Variants in TMEM232 observed in about 807,000 individuals in gnomAD.
TMEM232 encodes transmembrane protein 232.
In TMEM232, 80 loss-of-function variants were observed where a neutral mutation model predicts 78.8. The ratio of observed to expected loss-of-function variants is 1.01; its 90% CI spans 0.85 to 1.22. The LOEUF is 1.22. TMEM232 is among the 50% of genes most tolerant of loss of function. The pLI is 0.00. For synonymous variants in TMEM232, 297 were observed against 254.3 expected (o/e 1.17, Z -1.60); for missense variants, 881 against 742.2 (o/e 1.19, Z -2.17).
intron 12 of TMEM232, among the ~76,000 whole-genome samples, chr5:110,469,062 A>G (rs1381867278): frequency 2.0e-5 from 3 of 152,184 alleles, no homozygotes; most frequent in Admixed American, 1.3e-4. Context: ...AACATTTTGG[A>G]ACCTAAAGTT....
At chr5:110,694,621 A>C (rs893870565) in intron 1 of TMEM232, among the ~76,000 whole-genome samples, 4 of 152,100 alleles carry the variant, frequency 2.6e-5, no homozygotes, top group African/African-American at 7.2e-5. Context: ...TCTACCAAGC[A>C]AATGGAAAAC....
upstream of TMEM232, among the ~76,000 whole-genome samples, chr5:110,729,328 C>A (rs1047516592): frequency 3.3e-5 from 5 of 152,198 alleles, no homozygotes; most frequent in African/African-American, 1.2e-4. Flanking sequence ...CTTGCCCACT[C>A]ACTCCTCAAC....
upstream of TMEM232, among the ~76,000 whole-genome samples, chr5:110,730,805 G>T (rs546779143): frequency 6.6e-6 from 1 of 152,106 alleles, no homozygotes; most frequent in Non-Finnish European, 1.5e-5. Context: ...TAAGATTTGG[G>T]TGGAGACACA....
chr5:110,612,374 G>A (rs1782417992), intron 8 of TMEM232, among the ~76,000 whole-genome samples: 1 of 152,050 alleles, frequency 6.6e-6, no homozygotes, highest in Admixed American at 6.6e-5. Flanking sequence ...GGATCAATAA[G>A]AAATCCAAGA....
chr5:110,518,266 A>G (rs1768986700), intron 12 of TMEM232, among the ~76,000 whole-genome samples: 1 of 149,622 alleles, frequency 6.7e-6, no homozygotes, highest in South Asian at 2.1e-4. Context: ...GTTAACATTG[A>G]TTTTTTTTCT....
At chr5:110,646,509 C>G (rs548791791) in intron 2 of TMEM232, among the ~76,000 whole-genome samples, 1 of 151,666 alleles carries the variant, frequency 6.6e-6, no homozygotes, top group Admixed American at 6.6e-5. Context: ...TGCAGAAGAA[C>G]GTAATTAGAC....
At chr5:110,600,011 C>G (rs1040071718) in intron 10 of TMEM232, among the ~76,000 whole-genome samples, 1 of 152,156 alleles carries the variant, frequency 6.6e-6, no homozygotes, top group Admixed American at 6.5e-5. Context: ...AAGAAACTCA[C>G]TGAAAACCAC....
At chr5:110,501,779 A>G (rs1211333498) in intron 12 of TMEM232, among the ~76,000 whole-genome samples, 1 of 152,150 alleles carries the variant, frequency 6.6e-6, no homozygotes, top group Non-Finnish European at 1.5e-5. Flanking sequence ...CAAATACCTC[A>G]AAAATCACTG....
intron 2 of TMEM232, among the ~76,000 whole-genome samples, chr5:110,734,307 T>C (rs1179089779): frequency 2.0e-5 from 3 of 152,192 alleles, no homozygotes; most frequent in African/African-American, 7.2e-5. Flanking sequence ...GAAGGGGTAG[T>C]GGTTATTCAG....
chr5:110,687,973 A>C (rs755872334), intron 1 of TMEM232, among the ~76,000 whole-genome samples: 1 of 152,154 alleles, frequency 6.6e-6, no homozygotes, highest in Non-Finnish European at 1.5e-5. Context: ...GGTTTGTAAA[A>C]GAGAAGTAGA....
intron 10 of TMEM232, among the ~76,000 whole-genome samples, chr5:110,570,296 C>G (rs1437913901): frequency 1.3e-5 from 2 of 152,014 alleles, no homozygotes; most frequent in African/African-American, 4.8e-5. Context: ...TATTTTTGCA[C>G]TGAACATTTG....
intron 11 of TMEM232, among the ~76,000 whole-genome samples, chr5:110,552,359 GATAAA>G (rs1157848165): frequency 6.6e-6 from 1 of 151,888 alleles, no homozygotes; most frequent in Non-Finnish European, 1.5e-5. Flanking sequence ...AAATGCCCTA[GATAAA>G]ATAAAATAGG....
chr5:110,417,619 T>A (rs1756279133), downstream of TMEM232: 1 of 68,210 alleles, frequency 1.5e-5, no homozygotes. Flanking sequence ...TTTCTTTTTC[T>A]TTTTTTTTTT....
intron 10 of TMEM232, among the ~76,000 whole-genome samples, chr5:110,583,665 C>T (rs938702569): frequency 6.6e-6 from 1 of 151,492 alleles, no homozygotes; most frequent in Non-Finnish European, 1.5e-5. Context: ...AGCTTCTGTA[C>T]AACAAAAGAA....
At chr5:110,661,141 C>T (rs375702719) in intron 2 of TMEM232, among the ~76,000 whole-genome samples, 3 of 152,262 alleles carry the variant, frequency 2.0e-5, no homozygotes, top group African/African-American at 7.2e-5. Context: ...CCAGTTCCAC[C>T]AATGTTGTTA....
At chr5:110,526,982 A>G (rs983720058) in intron 12 of TMEM232, among the ~76,000 whole-genome samples, 1 of 151,932 alleles carries the variant, frequency 6.6e-6, no homozygotes, top group African/African-American at 2.4e-5. Context: ...GCTAATTTTC[A>G]TTTTAAAATG....
At chr5:110,541,546 G>A (rs1327782567) in intron 11 of TMEM232, among the ~76,000 whole-genome samples, 2 of 152,024 alleles carry the variant, frequency 1.3e-5, no homozygotes, top group Non-Finnish European at 1.5e-5. Context: ...AATGACTCAT[G>A]GGGTTGCTAA....
chr5:110,655,957 A>G (rs1228492945), intron 2 of TMEM232, among the ~76,000 whole-genome samples: 2 of 149,914 alleles, frequency 1.3e-5, no homozygotes, highest in African/African-American at 2.4e-5. Flanking sequence ...CCTAATGCTA[A>G]ATGACGAGTT....
At chr5:110,506,563 T>A (rs550871428) in intron 12 of TMEM232, among the ~76,000 whole-genome samples, 24 of 152,302 alleles carry the variant, frequency 1.6e-4, no homozygotes, top group African/African-American at 5.1e-4. Flanking sequence ...GGGGTCTCAA[T>A]TACCCACTTT....
Sources: gnomAD v4.1 joint callset for allele counts (sites outside exome capture counted in the v4.1 genomes callset) on GRCh38, gnomAD v4.1.1 for gene constraint, MANE v1.5 for transcripts, NCBI Gene and HGNC (gene_info 2026-07-23, HGNC 2026-07-21) for gene names.